Variants in PHYHIPL observed in about 807,000 individuals in gnomAD.
PHYHIPL encodes phytanoyl-CoA hydroxylase-interacting protein-like.
In PHYHIPL, 9 loss-of-function variants were observed where a neutral mutation model predicts 33.4. The observed-to-expected ratio is 0.27, with a 90% CI of 0.16 to 0.47. The LOEUF (loss-of-function observed/expected upper bound fraction) is 0.47. PHYHIPL is among the 20% of genes least tolerant of loss of function. The probability of loss-of-function intolerance (pLI) is 0.99; values close to 1 mark genes in which losing one functional copy is unlikely to be tolerated. For synonymous variants in PHYHIPL, 153 were observed against 154.1 expected, an observed-to-expected ratio of 0.99 and a Z score of 0.05; for missense variants, 365 against 460.7, an observed-to-expected ratio of 0.79 and a Z score of 1.90.
chr10:59,234,165 T>C, intron 1 of PHYHIPL, 139 bp from the exon 2 acceptor site: 1 of 646,136 alleles, frequency 1.5e-6, no homozygotes, highest in East Asian at 3.4e-5. Flanking sequence ...GAAAACAAAT[T>C]GGAAACATAA....
intron 1 of PHYHIPL, among the ~76,000 whole-genome samples, chr10:59,212,997 G>T (rs1205462483): frequency 1.3e-5 from 2 of 152,084 alleles, no homozygotes; most frequent in African/African-American, 4.8e-5. Context: ...GTGACAGTTG[G>T]TTAAGTCACA....
intron 1 of PHYHIPL, among the ~76,000 whole-genome samples, chr10:59,210,624 C>T (rs537151539): frequency 6.6e-6 from 1 of 152,294 alleles, no homozygotes; most frequent in Admixed American, 6.5e-5. Context: ...TACATGTGCA[C>T]ACATATGCTT....
At chr10:59,214,724 C>G (rs1839562677) in intron 1 of PHYHIPL, among the ~76,000 whole-genome samples, 1 of 151,944 alleles carries the variant, frequency 6.6e-6, no homozygotes. Flanking sequence ...GAGTTTTCTA[C>G]TTAAAAATAA....
chr10:59,190,358 G>A (rs559441986), intron 1 of PHYHIPL, among the ~76,000 whole-genome samples: 1 of 151,892 alleles, frequency 6.6e-6, no homozygotes. Flanking sequence ...GAAATATTCA[G>A]ATTTTTGTCA....
intron 1 of PHYHIPL, among the ~76,000 whole-genome samples, chr10:59,183,470 C>T (rs760702529): frequency 1.5e-4 from 23 of 152,060 alleles, no homozygotes; most frequent in Non-Finnish European, 3.1e-4. Flanking sequence ...ATATATTCCA[C>T]TAGGGAGACT....
chr10:59,242,559 A>G (rs928016565), intron 4 of PHYHIPL, among the ~76,000 whole-genome samples: 3 of 152,342 alleles, frequency 2.0e-5, no homozygotes, highest in East Asian at 3.9e-4. Context: ...TGAATGAGAA[A>G]AGATAATCAA....
chr10:59,219,255 G>T, intron 1 of PHYHIPL: 1 of 934,586 alleles, frequency 1.1e-6, no homozygotes, highest in Non-Finnish European at 1.3e-6. Context: ...AAGAAGTAGA[G>T]TTAGGAATAA....
At chr10:59,211,261 C>G (rs1210552946) in intron 1 of PHYHIPL, among the ~76,000 whole-genome samples, 1 of 151,960 alleles carries the variant, frequency 6.6e-6, no homozygotes, top group Non-Finnish European at 1.5e-5. Context: ...ACCTGTAGTC[C>G]TAGCCACTCA....
intron 1 of PHYHIPL, among the ~76,000 whole-genome samples, chr10:59,196,708 C>T (rs1049653465): frequency 3.3e-5 from 5 of 151,792 alleles, no homozygotes; most frequent in East Asian, 1.9e-4. Flanking sequence ...TGAGCCACCG[C>T]GCCCGGCCAA....
intron 1 of PHYHIPL, among the ~76,000 whole-genome samples, chr10:59,202,276 T>C (rs1261404930): frequency 6.6e-6 from 1 of 151,860 alleles, no homozygotes; most frequent in Non-Finnish European, 1.5e-5. Context: ...TAGAAGCCCA[T>C]CCCCCACCGT....
Position 59,247,657 on chromosome 10 carries a change from A to G in PHYHIPL, c.*2066A>G. 1.2e-6 allele frequency: 2 copies of G among 1,613,558 alleles called. No individual in the cohort carries two copies. The highest frequency in any genetic ancestry group is 1.7e-6 in the Non-Finnish European group (2 of 1,179,676). The stretch of plus-strand genomic sequence containing the variant: ...ATCTTGCTTGCTGATGAGGACCTCT[A>G]ATAGTCTCAGTTTGGCTTTTATGTG... On this transcript the variant is annotated 3_prime_UTR_variant, in exon 5 of 5. Transcript: ENST00000373880.
In PHYHIPL at chr10:59,180,144, T is replaced by C. The variant is rs1838363019; in HGVS notation, c.106+3185T>C. The stretch of plus-strand genomic sequence containing the variant: ...GGAAACAATAATATGGGAGCCCATT[T>C]ACAGTTTGATAGATACTTCAGACCT... On this transcript the variant is annotated intron_variant, in intron 1 of 4. Transcript: ENST00000373880. Among the ~76,000 whole-genome samples, 7 of 151,244 alleles carry C rather than the reference T, an allele frequency of 4.6e-5. No individual in the cohort carries two copies. The South Asian group carries it at 1.5e-3, about 32-fold the overall frequency.
chr10:59,221,435 C>A (rs1839772599), intron 1 of PHYHIPL, among the ~76,000 whole-genome samples: 1 of 151,988 alleles, frequency 6.6e-6, no homozygotes. Context: ...GATTTAACTG[C>A]ATAATAGGTA....
intron 1 of PHYHIPL, among the ~76,000 whole-genome samples, chr10:59,227,287 G>T (rs1296664783): frequency 6.6e-6 from 1 of 152,128 alleles, no homozygotes; most frequent in Non-Finnish European, 1.5e-5. Flanking sequence ...TCACAGTGTG[G>T]TAGAGAAGCA....
intron 1 of PHYHIPL, chr10:59,206,839 T>C (rs1034076913): frequency 8.6e-7 from 1 of 1,162,670 alleles, no homozygotes; most frequent in African/African-American, 1.6e-5. Flanking sequence ...TTTTAAGTGA[T>C]TAACTGTAAG....
At position 59,176,742 on chromosome 10, in the gene PHYHIPL, GCCT is replaced by G; in HGVS notation, c.-108_-106del. On this transcript the variant is annotated 5_prime_UTR_variant, in exon 1 of 5. Coordinates refer to ENST00000373880, the MANE Select transcript of PHYHIPL (RefSeq NM_032439.4). Reference sequence around the variant, plus strand: ...TCGGCGCCGCATCACCGCGTCCCAGGCCTCCTTCCCTCCCTCTGCCACTCCCCC... The same window carrying G: ...TCGGCGCCGCATCACCGCGTCCCAGGCCTTCCCTCCCTCTGCCACTCCCCC... 1.0e-6 allele frequency: 1 copy of G among 977,746 alleles called. No homozygotes were observed. Among genetic ancestry groups the G allele is most frequent in the Non-Finnish European group, 1.5e-6 (1 of 667,044 alleles). The allele number at this position is 977,746 out of a possible 1,614,324, so 60.6% of individuals were successfully genotyped here.
At chr10:59,212,172 A>G (rs1839472622) in intron 1 of PHYHIPL, among the ~76,000 whole-genome samples, 1 of 152,160 alleles carries the variant, frequency 6.6e-6, no homozygotes. Flanking sequence ...GAAAGTCCCT[A>G]CCAGCAACAA....
intron 1 of PHYHIPL, among the ~76,000 whole-genome samples, chr10:59,179,309 T>G (rs1160530046): frequency 6.6e-6 from 1 of 152,208 alleles, no homozygotes; most frequent in African/African-American, 2.4e-5. Context: ...TCCACTCAAG[T>G]CTCGTTATTT....
intron 1 of PHYHIPL, among the ~76,000 whole-genome samples, chr10:59,230,618 G>T (rs1840051001): frequency 6.6e-6 from 1 of 152,142 alleles, no homozygotes; most frequent in Non-Finnish European, 1.5e-5. Flanking sequence ...GAACCCAAAA[G>T]TATCTGAGAC....
Sources: gnomAD v4.1 joint callset for allele counts (sites outside exome capture counted in the v4.1 genomes callset) on GRCh38, gnomAD v4.1.1 for gene constraint, MANE v1.5 for transcripts, NCBI Gene and HGNC (gene_info 2026-07-23, HGNC 2026-07-21) for gene names.